TJP1: variants seen among roughly 807,000 people sequenced by gnomAD.
TJP1 encodes the protein tight junction protein 1.
A neutral mutation model predicts 194.2 loss-of-function variants in TJP1; 43 were observed. The observed-to-expected ratio is 0.22, with a 90% CI of 0.17 to 0.29. The LOEUF is 0.29. Ranked by LOEUF, TJP1 falls within the 10% of genes least tolerant of loss-of-function variation. The pLI is 1.00. For synonymous variants in TJP1, 801 were observed against 779.0 expected, an observed-to-expected ratio of 1.03 and a Z score of -0.47; for missense variants, 1,971 against 2,185.7, an observed-to-expected ratio of 0.90 and a Z score of 1.96.
At chr15:29,863,587 G>A (rs2052179805) in intron 2 of TJP1, among the ~76,000 whole-genome samples, 1 of 152,108 alleles carries the variant, frequency 6.6e-6, no homozygotes, top group South Asian at 2.1e-4. Context: ...CCCAGGCAGA[G>A]GCACCCATTT....
At chr15:29,900,838 A>G (rs78126402) in intron 2 of TJP1, among the ~76,000 whole-genome samples, 2,262 of 152,164 alleles carry the variant, frequency 0.015, 55 homozygotes, top group African/African-American at 0.052. Flanking sequence ...TGTGAAATCC[A>G]CCCTCAGGAG....
chr15:29,714,698 G>A (rs944364236), intron 23 of TJP1, among the ~76,000 whole-genome samples: 5 of 147,874 alleles, frequency 3.4e-5, no homozygotes, highest in Non-Finnish European at 7.5e-5. Flanking sequence ...CCGCCACCAC[G>A]CCCCGCTGAT....
chr15:29,731,805 A>G (rs930468465), intron 15 of TJP1, among the ~76,000 whole-genome samples: 21 of 144,526 alleles, frequency 1.5e-4, no homozygotes, highest in South Asian at 2.1e-4. Flanking sequence ...TTTGGCTTGG[A>G]AAAAAAAAAA....
intron 2 of TJP1, among the ~76,000 whole-genome samples, chr15:29,870,088 G>A (rs1485427672): frequency 2.5e-5 from 3 of 121,584 alleles, no homozygotes; most frequent in South Asian, 5.7e-4. Flanking sequence ...GCCCCCCACC[G>A]CCCAGCCTCC....
intron 2 of TJP1, among the ~76,000 whole-genome samples, chr15:29,872,745 T>C (rs2052569849): frequency 1.3e-5 from 2 of 152,210 alleles, no homozygotes; most frequent in Non-Finnish European, 2.9e-5. Flanking sequence ...GTCCTCGTCA[T>C]GGCCCTGCAC....
At chr15:29,929,748 GA>G (rs907803810) in intron 2 of TJP1, among the ~76,000 whole-genome samples, 5 of 151,484 alleles carry the variant, frequency 3.3e-5, no homozygotes, top group African/African-American at 4.8e-5. Context: ...CAAGAAGTCA[GA>G]AAAAGAACAA....
intron 2 of TJP1, among the ~76,000 whole-genome samples, chr15:29,941,322 G>C (rs992102531): frequency 2.6e-5 from 4 of 152,180 alleles, no homozygotes; most frequent in Non-Finnish European, 4.4e-5. Flanking sequence ...CTATGCACTG[G>C]TGAGGTTCCC....
intron 8 of TJP1, among the ~76,000 whole-genome samples, chr15:29,758,723 G>C (rs2045810084): frequency 6.6e-6 from 1 of 152,240 alleles, no homozygotes; most frequent in African/African-American, 2.4e-5. Context: ...TGTTGCGGCA[G>C]TAATCCTTTT....
rs149136147 is a variant in TJP1, at chr15:29,785,150, T to C, written c.85-11793A>G. 3.1e-4 allele frequency among the ~76,000 whole-genome samples: 47 copies of C among 152,356 alleles called. No homozygotes were observed. In the East Asian group the frequency reaches 8.9e-3, roughly 29 times the overall value. Reference sequence around the variant, plus strand: ...ATGAGAAAATGTACAGGATAACTTTTAGCTTCTGGGGATGGAAGAAAGAGC... The same window carrying C: ...ATGAGAAAATGTACAGGATAACTTTCAGCTTCTGGGGATGGAAGAAAGAGC... On this transcript the variant is annotated intron_variant, in intron 2 of 27. Coordinates refer to ENST00000614355, the MANE Select transcript of TJP1 (RefSeq NM_001330239.4).
intron 2 of TJP1, among the ~76,000 whole-genome samples, chr15:29,902,718 T>G (rs1344055675): frequency 6.6e-6 from 1 of 152,126 alleles, no homozygotes; most frequent in Non-Finnish European, 1.5e-5. Flanking sequence ...TCTCAGTTGT[T>G]GTATGCTATT....
At chr15:29,801,229 T>G (rs575548122) in intron 1 of TJP1, among the ~76,000 whole-genome samples, 1 of 152,286 alleles carries the variant, frequency 6.6e-6, no homozygotes, top group African/African-American at 2.4e-5. Context: ...ACAGAATTAC[T>G]TCTCAAGCTT....
rs771115519 is a variant in TJP1, at chr15:29,720,350, C to A, written c.2763+8G>T. ...CTATCTACAAAACGTTGAATGCTTG[C>A]TGCTTACCTGTTGAGAGGCTGGCTT... On this transcript the variant is annotated splice_region_variant and intron_variant, in intron 19 of 27. Transcript: ENST00000614355. The A allele has an allele frequency of 6.4e-7, 1 of 1,557,924 alleles. No homozygotes were observed. The highest frequency in any genetic ancestry group is 8.7e-7 in the Non-Finnish European group (1 of 1,153,936).
intron 1 of TJP1, among the ~76,000 whole-genome samples, chr15:29,961,792 AG>A (rs2056174660): frequency 6.6e-6 from 1 of 152,046 alleles, no homozygotes; most frequent in Non-Finnish European, 1.5e-5. Context: ...ATAGCTCCCG[AG>A]GTAAGAGAGG....
intron 1 of TJP1, among the ~76,000 whole-genome samples, chr15:29,802,431 A>G (rs2048848049): frequency 6.6e-6 from 1 of 152,162 alleles, no homozygotes. Flanking sequence ...TGCCAGATGA[A>G]TAAGAGAGGA....
At chr15:29,787,401 A>G (rs902476962) in intron 2 of TJP1, among the ~76,000 whole-genome samples, 1 of 152,236 alleles carries the variant, frequency 6.6e-6, no homozygotes, top group Non-Finnish European at 1.5e-5. Context: ...AGCTTACTGA[A>G]TATGATGTCA....
chr15:29,803,371 T>C (rs573903969), intron 1 of TJP1, among the ~76,000 whole-genome samples: 43 of 152,156 alleles, frequency 2.8e-4, no homozygotes, highest in Non-Finnish European at 5.4e-4. Flanking sequence ...TTATATGAGA[T>C]ATTCAACACT....
chr15:29,719,010 T>C lies in TJP1; in HGVS notation c.3132A>G (p.Pro1044=). 2 of 1,614,134 alleles carry C rather than the reference T, an allele frequency of 1.2e-6. No individual in the cohort carries two copies. Among genetic ancestry groups the C allele is most frequent in the East Asian group, 4.5e-5 (2 of 44,868 alleles). Residue 1044 remains proline (P), a synonymous_variant, in exon 21 of 28, where the codon CCA becomes CCG. Coordinates refer to ENST00000614355, the MANE Select transcript of TJP1 (RefSeq NM_001330239.4). ...EPNLTYEPQL[P]YVEKQASRDL... ...CTCTGCTGGCTTGTTTCTCTACGTA[T>C]GGGAGTTGGGGTTCATAGGTCAGAT...
chr15:29,944,506 C>A (rs1596302104), intron 2 of TJP1, among the ~76,000 whole-genome samples: 1 of 152,156 alleles, frequency 6.6e-6, no homozygotes, highest in East Asian at 1.9e-4. Flanking sequence ...TTTATAAATA[C>A]AGATATCTGA....
intron 2 of TJP1, among the ~76,000 whole-genome samples, chr15:29,860,905 G>T (rs942889186): frequency 6.6e-6 from 1 of 152,170 alleles, no homozygotes; most frequent in Non-Finnish European, 1.5e-5. Flanking sequence ...TATGTACATT[G>T]TTCTTCTTAC....
Sources: allele counts gnomAD v4.1 joint callset (sites outside exome capture counted in the v4.1 genomes callset), GRCh38; gene constraint gnomAD v4.1.1; transcripts MANE v1.5; gene names NCBI Gene and HGNC (gene_info 2026-07-23, HGNC 2026-07-21).